BLTP3B: variants seen among roughly 807,000 people sequenced by gnomAD.
The protein encoded by BLTP3B is bridge-like lipid transfer protein family member 3B.
the BLTP3B span, among the ~76,000 whole-genome samples, chr12:100,109,671 T>C: frequency 3.3e-5 from 5 of 149,450 alleles, no homozygotes; most frequent in South Asian, 1.1e-3. Context: ...GAGGCTGAGG[T>C]GGGAGTTTCG....
At chr12:100,068,120 A>G in the BLTP3B span, among the ~76,000 whole-genome samples, 1 of 152,238 alleles carries the variant, frequency 6.6e-6, no homozygotes, top group African/African-American at 2.4e-5. Flanking sequence ...CATACTCATC[A>G]GAACAGCATG....
At chr12:100,135,281 C>CTTTTTTTTTTTTTTTTTTTTTTTTTTTTT in the BLTP3B span, among the ~76,000 whole-genome samples, 1 of 141,226 alleles carries the variant, frequency 7.1e-6, no homozygotes, top group African/African-American at 2.8e-5. Flanking sequence ...TTCTTTCTTT[C>CTTTTTTTTTTTTTTTTTTTTTTTTTTTTT]TTTTTTTTTT....
At chr12:100,070,220 A>T in the BLTP3B span, 1 of 1,545,190 alleles carries the variant, frequency 6.5e-7, no homozygotes, top group Non-Finnish European at 8.7e-7. Context: ...CAAAACAAAA[A>T]ACCACAAAAG....
the BLTP3B span, chr12:100,093,066 A>C: frequency 3.6e-6 from 2 of 557,058 alleles, no homozygotes; most frequent in Non-Finnish European, 4.5e-6. Flanking sequence ...CAAATTCTTC[A>C]ATACATTATA....
the BLTP3B span, chr12:100,097,315 C>G: frequency 3.9e-6 from 6 of 1,547,536 alleles, no homozygotes; most frequent in African/African-American, 8.2e-5. Flanking sequence ...ATCAAAAAGT[C>G]AAATCCAACA....
the BLTP3B span, among the ~76,000 whole-genome samples, chr12:100,111,448 G>C: frequency 6.6e-6 from 1 of 151,334 alleles, no homozygotes; most frequent in Non-Finnish European, 1.5e-5. Flanking sequence ...CAGCTAATTA[G>C]TTTATTTATT....
the BLTP3B span, among the ~76,000 whole-genome samples, chr12:100,097,764 T>C: frequency 1.3e-5 from 2 of 152,218 alleles, no homozygotes; most frequent in African/African-American, 4.8e-5. Context: ...CTCAAATGCA[T>C]GAAATCACGT....
At chr12:100,068,673 G>C in the BLTP3B span, among the ~76,000 whole-genome samples, 1 of 152,092 alleles carries the variant, frequency 6.6e-6, no homozygotes, top group East Asian at 1.9e-4. Flanking sequence ...ACCAAAAAGG[G>C]ATTGATGGCT....
the BLTP3B span, chr12:100,104,068 CTT>C: frequency 1.6e-6 from 1 of 636,186 alleles, no homozygotes; most frequent in Non-Finnish European, 2.4e-6. Context: ...TATAAAATCA[CTT>C]TTCTTAAACT....
the BLTP3B span, among the ~76,000 whole-genome samples, chr12:100,107,831 C>T: frequency 6.6e-6 from 1 of 152,186 alleles, no homozygotes; most frequent in African/African-American, 2.4e-5. Flanking sequence ...CCCTTCCAGA[C>T]TCAACCGATC....
chr12:100,104,207 T>TC, the BLTP3B span, among the ~76,000 whole-genome samples: 1 of 148,060 alleles, frequency 6.8e-6, no homozygotes, highest in African/African-American at 2.5e-5. Context: ...TTTTTTTCTT[T>TC]TTTTTTTTTT....
the BLTP3B span, chr12:100,095,893 C>G: frequency 7.2e-7 from 1 of 1,387,418 alleles, no homozygotes; most frequent in South Asian, 1.4e-5. Context: ...CCTTATAATA[C>G]GCTTGTATTA....
At chr12:100,140,729 A>AAATATAT in the BLTP3B span, among the ~76,000 whole-genome samples, 23 of 61,492 alleles carry the variant, frequency 3.7e-4, 1 homozygote, top group African/African-American at 1.8e-3. Context: ...AAAAAAAAAA[A>AAATATAT]ATATATATAT....
chr12:100,086,690 C>T, the BLTP3B span, among the ~76,000 whole-genome samples: 42 of 152,274 alleles, frequency 2.8e-4, no homozygotes, highest in African/African-American at 1.0e-3. Flanking sequence ...GGTAAACTTA[C>T]TCATTTGGTT....
chr12:100,118,058 G>T, the BLTP3B span, among the ~76,000 whole-genome samples: 3,262 of 151,852 alleles, frequency 0.021, 39 homozygotes, highest in African/African-American at 0.033. Flanking sequence ...AGTTGAAATT[G>T]GCATTTCTCT....
the BLTP3B span, chr12:100,097,609 A>C: frequency 7.7e-7 from 1 of 1,290,948 alleles, no homozygotes. Context: ...GTTAATTTTC[A>C]CATGACATTT....
chr12:100,107,452 G>A, the BLTP3B span, among the ~76,000 whole-genome samples: 2 of 151,610 alleles, frequency 1.3e-5, no homozygotes, highest in East Asian at 3.9e-4. Flanking sequence ...CGGCCAACAT[G>A]GTGAAACCCC....
chr12:100,058,366 G>A, the BLTP3B span: 5 of 1,613,108 alleles, frequency 3.1e-6, no homozygotes, highest in South Asian at 2.2e-5. Flanking sequence ...TTCCCTAAAT[G>A]TTTATCTGAT....
chr12:100,050,323 T>G, the BLTP3B span: 1 of 1,592,380 alleles, frequency 6.3e-7, no homozygotes, highest in Non-Finnish European at 8.5e-7. Flanking sequence ...GGACATCTAT[T>G]AATGATTGCA....
Sources: allele counts gnomAD v4.1 joint callset (sites outside exome capture counted in the v4.1 genomes callset), GRCh38; gene constraint gnomAD v4.1.1; transcripts MANE v1.5; gene names NCBI Gene and HGNC (gene_info 2026-07-23, HGNC 2026-07-21).